NAT10: variants seen among roughly 807,000 people sequenced by gnomAD.
The protein encoded by NAT10 is RNA cytidine acetyltransferase.
In NAT10, 109 loss-of-function variants were observed where a neutral mutation model predicts 132.2. The observed-to-expected ratio is 0.82, with a 90% CI of 0.71 to 0.97. The LOEUF (loss-of-function observed/expected upper bound fraction) is 0.97, where lower values mean the gene tolerates loss of function less well. NAT10 is among the 50% of genes least tolerant of loss of function. The pLI, the probability that NAT10 is intolerant of heterozygous loss-of-function variation, is 0.00. For missense variants in NAT10, 1,184 were observed against 1,263.4 expected (o/e 0.94, Z 0.95); for synonymous variants, 479 against 478.0 (o/e 1.00, Z -0.03).
chr11:34,144,813 A>G (rs1435604383), intron 28 of NAT10, among the ~76,000 whole-genome samples: 1 of 152,160 alleles, frequency 6.6e-6, no homozygotes, highest in African/African-American at 2.4e-5. Context: ...GTTGATGGGG[A>G]GGGTGAGATT....
At chr11:34,127,076 A>G (rs894749855) in intron 11 of NAT10, among the ~76,000 whole-genome samples, 7 of 152,102 alleles carry the variant, frequency 4.6e-5, no homozygotes, top group African/African-American at 1.5e-4. Context: ...GACAAAGGAG[A>G]GAAAGGAAAG....
At chr11:34,124,208 C>A in intron 10 of NAT10, 94 bp from the exon 11 acceptor site, 1 of 812,080 alleles carries the variant, frequency 1.2e-6, no homozygotes. Context: ...GGGTTTAAAT[C>A]CAAGTGAAGT....
chr11:34,136,760 C>T lies in NAT10; in HGVS notation c.2147C>T (p.Thr716Ile), dbSNP rs777347192. The T allele has an allele frequency of 3.7e-6, 6 of 1,614,126 alleles. No homozygotes were observed. Among genetic ancestry groups the T allele is most frequent in the Non-Finnish European group, 4.2e-6 (5 of 1,180,020 alleles). Residue 716 changes from threonine (T) to isoleucine (I), a missense_variant, in exon 20 of 29, where the codon ACC (threonine) becomes ATC (isoleucine). Thr to Ile is a moderately conservative substitution (Grantham distance 89). Transcript: ENST00000257829. ...LDYLGVSYGL[T>I]PRLLKFWKRA... ...TACCTGGGTGTTTCCTATGGCTTGA[C>T]CCCCAGGCTCCTCAAGTAAGTGCCT...
Position 34,127,370 on chromosome 11 carries a change from A to G in NAT10, c.1108-93A>G, listed in dbSNP as rs1852014201. On this transcript the variant is annotated intron_variant, in intron 11 of 28. Coordinates refer to ENST00000257829, the MANE Select transcript of NAT10 (RefSeq NM_024662.3). ...AGGAGAGAAGGAAACAGGGAGAGAG[A>G]GGAAAGAGAACATCCTTTATGATGA... 1.3e-5 allele frequency: 17 copies of G among 1,304,440 alleles called. No homozygotes were observed. The South Asian group carries it at 2.3e-4, about 18-fold the overall frequency. 80.8% of individuals were successfully genotyped at this position (1,304,440 alleles called of 1,614,324 possible). A position where few individuals can be genotyped will look rare whatever the true frequency, so the allele number is the denominator to read the frequency against.
chr11:34,119,432 GCT>G (rs752132816), intron 8 of NAT10, among the ~76,000 whole-genome samples: 13 of 152,242 alleles, frequency 8.5e-5, no homozygotes, highest in Non-Finnish European at 1.8e-4. Flanking sequence ...CAGCTACATA[GCT>G]CTCTATGCAG....
chr11:34,134,350 C>G lies in NAT10; in HGVS notation c.1766C>G (p.Ser589Cys), dbSNP rs771382736. 3.1e-6 allele frequency: 5 copies of G among 1,614,228 alleles called. No individual in the cohort carries two copies. In the South Asian group the frequency reaches 4.4e-5, roughly 14 times the overall value. ...CTTGAAGGGGAGATTTCTCGCCAGTCCATCTTGAACAGTCTGTCTCGAGGC... is the reference window on the plus strand; with the variant it reads ...CTTGAAGGGGAGATTTCTCGCCAGTGCATCTTGAACAGTCTGTCTCGAGGC... The part of the protein sequence containing the change: ...VCLEGEISRQ[S>C]ILNSLSRGKK... Residue 589 changes from serine (S) to cysteine (C), a missense_variant, in exon 17 of 29, where the codon TCC (serine) becomes TGC (cysteine). Coordinates refer to ENST00000257829, the MANE Select transcript of NAT10 (RefSeq NM_024662.3).
intron 23 of NAT10, 109 bp from the exon 24 acceptor site, chr11:34,140,291 C>A (rs1852297383): frequency 9.4e-7 from 1 of 1,064,110 alleles, no homozygotes; most frequent in African/African-American, 1.6e-5. Flanking sequence ...GTATGGCTGC[C>A]AGGCCCTGTT....
chr11:34,127,538 C>T lies in NAT10; in HGVS notation c.1183C>T (p.Leu395Phe). ...GATTGATGAAGCTGCCGCCATCCCC[C>T]TCCCCTTGGTGAAGAGCCTACTTGG... ...VVIDEAAAIPLPLVKSLLGPY... is the reference protein window; with the variant it reads ...VVIDEAAAIPFPLVKSLLGPY... The change falls in exon 12 of 29, where the codon CTC becomes TTC. Residue 395 changes from leucine (L) to phenylalanine (F), a missense_variant. Leu to Phe is a conservative substitution (Grantham distance 22). Coordinates refer to ENST00000257829, the MANE Select transcript of NAT10 (RefSeq NM_024662.3). 6.2e-7 allele frequency: 1 copy of T among 1,614,216 alleles called. No homozygotes were observed.
Position 34,132,186 on chromosome 11 carries a change from C to A in NAT10, c.1582C>A (p.Arg528=), listed in dbSNP as rs759711543. ...CAAGGCCTCTGAAGTTTTCCTCCAA[C>A]GGCTTATGGCCCTCTACGTGGCTTC... The part of the protein sequence containing the change: ...YHKASEVFLQ[R]LMALYVASHY... Residue 528 remains arginine, a synonymous_variant, in exon 15 of 29, where the codon CGG becomes AGG. Transcript: ENST00000257829. 6.2e-7 allele frequency: 1 copy of A among 1,614,158 alleles called. No homozygotes were observed. The highest frequency in any genetic ancestry group is 1.7e-5 in the Admixed American group (1 of 60,022).
chr11:34,124,227 T>C (rs1465487461), intron 10 of NAT10, 75 bp from the exon 11 acceptor site: 2 of 954,172 alleles, frequency 2.1e-6, no homozygotes, highest in African/African-American at 3.3e-5. Context: ...GTCTTTAGAA[T>C]ACTTGCTTAC....
chr11:34,138,529 G>T (rs1367194092), intron 21 of NAT10, among the ~76,000 whole-genome samples: 1 of 152,136 alleles, frequency 6.6e-6, no homozygotes, highest in Non-Finnish European at 1.5e-5. Flanking sequence ...GTCTCTGTCA[G>T]TACATTTGGT....
At chr11:34,112,275 T>A in intron 4 of NAT10, 52 bp downstream of exon 4, 1 of 1,605,754 alleles carries the variant, frequency 6.2e-7, no homozygotes, top group South Asian at 1.1e-5. Flanking sequence ...GAGGGTTGCT[T>A]GGGCTGCCTG....
At chr11:34,109,641 C>T (rs1350000485) in intron 3 of NAT10, among the ~76,000 whole-genome samples, 4 of 152,172 alleles carry the variant, frequency 2.6e-5, no homozygotes, top group African/African-American at 7.2e-5. Flanking sequence ...GACTTTTAGT[C>T]ATAGATAACA....
Position 34,142,287 on chromosome 11 carries a change from A to G in NAT10, c.2824A>G (p.Lys942Glu). 5 of 1,614,112 alleles carry G rather than the reference A, an allele frequency of 3.1e-6. No homozygotes were observed. The highest frequency in any genetic ancestry group is 4.2e-6 in the Non-Finnish European group (5 of 1,179,998). ...TCCTTAACCACAGGATGAAGCAGCA[A>G]AGGAATTTCAGGAGAAACACAAGAA... The part of the protein sequence containing the change: ...TLSDDLDEAA[K>E]EFQEKHKKEV... The change falls in exon 27 of 29, where the codon AAG (lysine) becomes GAG (glutamate). Residue 942 changes from lysine (K) to glutamate (E), a missense_variant. By Grantham distance (56) the Lys-to-Glu change is moderately conservative. Transcript: ENST00000257829.
At chr11:34,120,132 T>C (rs1851864011) in intron 8 of NAT10, among the ~76,000 whole-genome samples, 1 of 146,224 alleles carries the variant, frequency 6.8e-6, no homozygotes, top group Admixed American at 7.2e-5. Context: ...TTGTTGTTGT[T>C]GTTGCTGTTG....
chr11:34,145,991 A>C lies in NAT10; in HGVS notation c.2970-93A>C, dbSNP rs1023988054. On this transcript the variant is annotated intron_variant, in intron 28 of 28. Coordinates refer to ENST00000257829, the MANE Select transcript of NAT10 (RefSeq NM_024662.3). ...CCTACATCAAGTTTCAGACGGTGGA[A>C]ACCCTTTTTGACAAAGCAAAGCAAG... The C allele has an allele frequency of 1.2e-5, 11 of 893,452 alleles. No individual in the cohort carries two copies. In the East Asian group the frequency reaches 3.0e-4, roughly 24 times the overall value. 55.3% of individuals were successfully genotyped at this position (893,452 alleles called of 1,614,324 possible). A position where few individuals can be genotyped will look rare whatever the true frequency, so the allele number is the denominator to read the frequency against.
intron 26 of NAT10, 56 bp from the exon 27 acceptor site, chr11:34,142,217 CTG>C: frequency 6.5e-7 from 1 of 1,527,530 alleles, no homozygotes; most frequent in South Asian, 1.1e-5. Flanking sequence ...TCACCTTTTC[CTG>C]TGTTTGGTTC....
chr11:34,141,832 A>T lies in NAT10; in HGVS notation c.2811+15A>T, dbSNP rs760444526. 2 of 1,606,840 alleles carry T rather than the reference A, an allele frequency of 1.2e-6. No individual in the cohort carries two copies. Among genetic ancestry groups the T allele is most frequent in the Non-Finnish European group, 1.7e-6 (2 of 1,174,446 alleles). ...GTGACGACCTAGTATGTCCCTGCTC[A>T]TGGCCTCGGGAGTCCCAGCATTTCC... On this transcript the variant is annotated intron_variant, in intron 26 of 28. Coordinates refer to ENST00000257829, the MANE Select transcript of NAT10 (RefSeq NM_024662.3).
At chr11:34,119,313 G>A (rs1851843056) in intron 8 of NAT10, among the ~76,000 whole-genome samples, 1 of 152,236 alleles carries the variant, frequency 6.6e-6, no homozygotes, top group Admixed American at 6.5e-5. Flanking sequence ...AGCCAAATGA[G>A]CAGCATGGGT....
Sources: gnomAD v4.1 joint callset for allele counts (sites outside exome capture counted in the v4.1 genomes callset) on GRCh38, gnomAD v4.1.1 for gene constraint, MANE v1.5 for transcripts, NCBI Gene and HGNC (gene_info 2026-07-23, HGNC 2026-07-21) for gene names.